Variants in PCDH9 observed in about 807,000 individuals in gnomAD.
PCDH9 encodes the protein protocadherin 9.
A neutral mutation model predicts 70.6 loss-of-function variants in PCDH9; 24 were observed. The observed-to-expected ratio is 0.34, with a 90% confidence interval of 0.25 to 0.48. PCDH9 has a LOEUF of 0.48. Ranked by LOEUF, PCDH9 falls within the 20% of genes least tolerant of loss-of-function variation. PCDH9 has a pLI of 0.99. For synonymous variants in PCDH9, 562 were observed against 558.5 expected (o/e 1.01, Z -0.09); for missense variants, 1,281 against 1,503.6 (o/e 0.85, Z 2.45).
intron 4 of PCDH9, among the ~76,000 whole-genome samples, chr13:66,552,941 C>T (rs9529092): frequency 0.24 from 36,439 of 151,772 alleles, 4,772 homozygotes; most frequent in South Asian, 0.34. Flanking sequence ...CACATGGTGG[C>T]GGGAGAGAGA....
chr13:66,540,863 G>A (rs987450381), intron 4 of PCDH9, among the ~76,000 whole-genome samples: 1 of 152,122 alleles, frequency 6.6e-6, no homozygotes, highest in African/African-American at 2.4e-5. Context: ...AGTTTAATGA[G>A]TCTTTGGTTG....
At chr13:66,652,530 A>G (rs1050958489) in intron 3 of PCDH9, among the ~76,000 whole-genome samples, 2 of 152,088 alleles carry the variant, frequency 1.3e-5, no homozygotes, top group African/African-American at 4.8e-5. Context: ...GGAAGAATCA[A>G]TATTGTTAAA....
intron 3 of PCDH9, among the ~76,000 whole-genome samples, chr13:66,769,751 C>A (rs1231361697): frequency 6.6e-6 from 1 of 152,042 alleles, no homozygotes; most frequent in African/African-American, 2.4e-5. Context: ...GGAAATAGAA[C>A]CACAGAATTG....
intron 2 of PCDH9, chr13:67,218,331 C>G (rs538681464): frequency 2.6e-5 from 4 of 152,112 alleles, no homozygotes; most frequent in African/African-American, 9.6e-5. Flanking sequence ...AGAATGAAAG[C>G]TGAAGATTAA....
chr13:66,792,653 G>C (rs998426609), intron 3 of PCDH9, among the ~76,000 whole-genome samples: 2 of 152,076 alleles, frequency 1.3e-5, no homozygotes, highest in Non-Finnish European at 2.9e-5. Flanking sequence ...TGAGTGACAA[G>C]AGTTAAACTC....
intron 2 of PCDH9, among the ~76,000 whole-genome samples, chr13:67,131,857 A>G (rs1043261228): frequency 2.0e-5 from 3 of 152,174 alleles, no homozygotes; most frequent in African/African-American, 7.2e-5. Flanking sequence ...TTATGTATAC[A>G]ATTTCAGTTC....
At chr13:66,305,967 C>T (rs1044819157) in intron 4 of PCDH9, among the ~76,000 whole-genome samples, 1 of 151,786 alleles carries the variant, frequency 6.6e-6, no homozygotes, top group African/African-American at 2.4e-5. Flanking sequence ...CAACATAAGC[C>T]AAATGGTTAA....
At chr13:66,675,165 A>G (rs9317603) in intron 3 of PCDH9, among the ~76,000 whole-genome samples, 49,357 of 151,920 alleles carry the variant, frequency 0.32, 8,810 homozygotes, top group East Asian at 0.56. Context: ...ACCTATACTC[A>G]CATTTTGCAA....
At chr13:67,108,218 G>A (rs1002028501) in intron 2 of PCDH9, among the ~76,000 whole-genome samples, 3 of 152,178 alleles carry the variant, frequency 2.0e-5, no homozygotes, top group Non-Finnish European at 4.4e-5. Flanking sequence ...CAGCAGGCAT[G>A]AGCAATACTC....
At chr13:66,623,122 C>G (rs902872693) in intron 4 of PCDH9, among the ~76,000 whole-genome samples, 1 of 152,244 alleles carries the variant, frequency 6.6e-6, no homozygotes, top group Non-Finnish European at 1.5e-5. Flanking sequence ...CCTTTAAGAA[C>G]TGTAACACTC....
chr13:66,866,746 A>G (rs2081583532), intron 3 of PCDH9, among the ~76,000 whole-genome samples: 1 of 150,598 alleles, frequency 6.6e-6, no homozygotes, highest in South Asian at 2.1e-4. Context: ...GCAATGAGCC[A>G]AAATTGTGCC....
chr13:66,381,495 A>T (rs1956847870), intron 4 of PCDH9, among the ~76,000 whole-genome samples: 1 of 152,198 alleles, frequency 6.6e-6, no homozygotes, highest in Non-Finnish European at 1.5e-5. Context: ...TTTTAGTACT[A>T]AAAATAAACA....
intron 3 of PCDH9, among the ~76,000 whole-genome samples, chr13:66,842,005 A>G (rs1480446173): frequency 6.6e-6 from 1 of 152,184 alleles, no homozygotes; most frequent in Non-Finnish European, 1.5e-5. Flanking sequence ...GGGGAGGGAG[A>G]ATCTAGCATA....
chr13:67,066,955 T>C (rs2085659889), intron 2 of PCDH9, among the ~76,000 whole-genome samples: 1 of 152,196 alleles, frequency 6.6e-6, no homozygotes, highest in Non-Finnish European at 1.5e-5. Flanking sequence ...CCATATGAAA[T>C]GCACGGATCT....
chr13:66,355,834 T>C (rs1251638274), intron 4 of PCDH9, among the ~76,000 whole-genome samples: 1 of 152,096 alleles, frequency 6.6e-6, no homozygotes, highest in Non-Finnish European at 1.5e-5. Flanking sequence ...TTATAGAACA[T>C]AACTACTGAA....
intron 3 of PCDH9, among the ~76,000 whole-genome samples, chr13:66,882,197 G>A (rs1021168689): frequency 1.3e-5 from 2 of 152,058 alleles, no homozygotes; most frequent in Non-Finnish European, 1.5e-5. Flanking sequence ...GAGAAACTCT[G>A]GTTAACATTT....
intron 3 of PCDH9, among the ~76,000 whole-genome samples, chr13:66,831,895 A>ACGT (rs1555273743): frequency 6.6e-6 from 1 of 151,972 alleles, no homozygotes; most frequent in Non-Finnish European, 1.5e-5. Context: ...TGTAATAAAA[A>ACGT]CTGTGGAAAA....
At chr13:66,845,303 G>C (rs1271691930) in intron 3 of PCDH9, among the ~76,000 whole-genome samples, 1 of 152,182 alleles carries the variant, frequency 6.6e-6, no homozygotes, top group African/African-American at 2.4e-5. Context: ...GTCCAGAGGG[G>C]GCTGAGGCAG....
At chr13:66,505,817 C>A (rs1242891436) in intron 4 of PCDH9, among the ~76,000 whole-genome samples, 1 of 152,054 alleles carries the variant, frequency 6.6e-6, no homozygotes, top group Admixed American at 6.6e-5. Context: ...TGGGTGGGGG[C>A]ACAGCCAAGC....
Sources: gnomAD v4.1 joint callset for allele counts (sites outside exome capture counted in the v4.1 genomes callset) on GRCh38, gnomAD v4.1.1 for gene constraint, MANE v1.5 for transcripts, NCBI Gene and HGNC (gene_info 2026-07-23, HGNC 2026-07-21) for gene names.